Variants in SIPA1L2 observed in about 807,000 individuals in gnomAD.
SIPA1L2 encodes signal-induced proliferation-associated 1-like protein 2.
In SIPA1L2, 56 loss-of-function variants were observed where a neutral mutation model predicts 163.9. The ratio of observed to expected loss-of-function variants is 0.34; its 90% CI spans 0.28 to 0.43. The LOEUF (loss-of-function observed/expected upper bound fraction) is 0.43. Among genes scored for constraint, SIPA1L2 ranks in the 20% least tolerant of loss-of-function variants. The pLI is 1.00. For missense variants in SIPA1L2, 1,974 were observed against 2,193.5 expected (o/e 0.90, Z 2.00); for synonymous variants, 877 against 865.7 (o/e 1.01, Z -0.23).
At chr1:232,402,604 A>G (rs1460726274) in intron 21 of SIPA1L2, 131 bp from the exon 22 acceptor site, 1 of 686,360 alleles carries the variant, frequency 1.5e-6, no homozygotes, top group African/African-American at 1.8e-5. Flanking sequence ...ATTATGTCAG[A>G]ATGGGAAAGT....
chr1:232,524,744 A>G (rs1468901508), intron 2 of SIPA1L2, among the ~76,000 whole-genome samples: 1 of 152,148 alleles, frequency 6.6e-6, no homozygotes, highest in African/African-American at 2.4e-5. Flanking sequence ...CCATATACAG[A>G]AAGGTTTATA....
intron 22 of SIPA1L2, among the ~76,000 whole-genome samples, 199 bp from the exon 23 acceptor site, chr1:232,399,472 C>T (rs1660201913): frequency 6.6e-6 from 1 of 152,010 alleles, no homozygotes; most frequent in African/African-American, 2.4e-5. Context: ...ACACTCCACA[C>T]ACCCTGTTCT....
chr1:232,413,854 G>C (rs1661093879), intron 19 of SIPA1L2, among the ~76,000 whole-genome samples: 1 of 152,172 alleles, frequency 6.6e-6, no homozygotes, highest in African/African-American at 2.4e-5. Context: ...TCCTGGGGCA[G>C]AAAGATCTGG....
chr1:232,488,929 T>C (rs1385179045), intron 5 of SIPA1L2, among the ~76,000 whole-genome samples: 3 of 152,234 alleles, frequency 2.0e-5, no homozygotes, highest in Non-Finnish European at 4.4e-5. Context: ...CATTCACTGA[T>C]GCCTAAAATA....
At chr1:232,590,743 C>A (rs1660916461) in intron 1 of SIPA1L2, among the ~76,000 whole-genome samples, 1 of 152,204 alleles carries the variant, frequency 6.6e-6, no homozygotes, top group Non-Finnish European at 1.5e-5. Flanking sequence ...AATTGTCCTG[C>A]AGTGAAAGAA....
chr1:232,537,610 T>G (rs1318521154), intron 2 of SIPA1L2, among the ~76,000 whole-genome samples: 1 of 152,178 alleles, frequency 6.6e-6, no homozygotes, highest in Non-Finnish European at 1.5e-5. Context: ...GGAGCAATGG[T>G]GTAATAATGG....
intron 2 of SIPA1L2, among the ~76,000 whole-genome samples, chr1:232,542,218 A>G (rs1050941645): frequency 6.6e-6 from 1 of 152,226 alleles, no homozygotes; most frequent in African/African-American, 2.4e-5. Context: ...ATCATTTTAA[A>G]TAATTATTAA....
At chr1:232,447,701 T>C (rs941547167) in intron 10 of SIPA1L2, among the ~76,000 whole-genome samples, 6 of 152,228 alleles carry the variant, frequency 3.9e-5, no homozygotes, top group Non-Finnish European at 7.3e-5. Context: ...GGCTAGTTGA[T>C]GGATATTGCT....
chr1:232,418,250 C>A (rs1343525218), intron 18 of SIPA1L2, among the ~76,000 whole-genome samples: 2 of 152,150 alleles, frequency 1.3e-5, no homozygotes, highest in East Asian at 3.9e-4. Context: ...GGGTAAAATG[C>A]AATGAGAACA....
intron 5 of SIPA1L2, among the ~76,000 whole-genome samples, chr1:232,486,748 C>G (rs949804815): frequency 2.6e-5 from 4 of 152,128 alleles, no homozygotes; most frequent in African/African-American, 9.7e-5. Flanking sequence ...ATGAAATGTT[C>G]AGTAAAGATA....
chr1:232,407,191 A>G (rs932508681), intron 19 of SIPA1L2, among the ~76,000 whole-genome samples: 2 of 152,254 alleles, frequency 1.3e-5, no homozygotes, highest in African/African-American at 4.8e-5. Context: ...ATTTCAATTT[A>G]CTTTTGAGAT....
At chr1:232,549,109 T>A (rs1218193400) in intron 2 of SIPA1L2, among the ~76,000 whole-genome samples, 1 of 152,176 alleles carries the variant, frequency 6.6e-6, no homozygotes, top group Non-Finnish European at 1.5e-5. Context: ...GCTTTCATGC[T>A]GGGTCTGTGC....
intron 2 of SIPA1L2, among the ~76,000 whole-genome samples, chr1:232,539,460 G>T (rs1573048899): frequency 6.6e-6 from 1 of 152,168 alleles, no homozygotes; most frequent in Non-Finnish European, 1.5e-5. Context: ...CTTCAAGGAC[G>T]GGAGAAGACA....
intron 2 of SIPA1L2, among the ~76,000 whole-genome samples, chr1:232,534,824 C>T (rs1267226565): frequency 1.3e-5 from 2 of 152,294 alleles, no homozygotes; most frequent in East Asian, 1.9e-4. Context: ...TGAATCCTCC[C>T]GTTAACACTG....
chr1:232,551,929 T>C (rs1330408977), intron 2 of SIPA1L2, among the ~76,000 whole-genome samples: 1 of 152,168 alleles, frequency 6.6e-6, no homozygotes, highest in Middle Eastern at 3.2e-3. Flanking sequence ...AACCTCTGCC[T>C]CCTGGGTTTA....
At chr1:232,459,188 A>T (rs557337455) in intron 10 of SIPA1L2, among the ~76,000 whole-genome samples, 2 of 152,358 alleles carry the variant, frequency 1.3e-5, no homozygotes, top group South Asian at 4.1e-4. Flanking sequence ...TGATCTATCC[A>T]ATATGGCAGC....
intron 16 of SIPA1L2, among the ~76,000 whole-genome samples, chr1:232,431,587 G>A (rs909375312): frequency 6.6e-6 from 1 of 152,178 alleles, no homozygotes; most frequent in Non-Finnish European, 1.5e-5. Context: ...CATTTAGCAC[G>A]AGTATTCTGT....
rs1236086080 is a variant in SIPA1L2, at chr1:232,398,188, T to C, written c.*939A>G. 6.6e-6 allele frequency: 1 copy of C among 152,568 alleles called. No individual in the cohort carries two copies. The highest frequency in any genetic ancestry group is 1.5e-5 in the Non-Finnish European group (1 of 68,034). 9.5% of individuals were successfully genotyped at this position (152,568 alleles called of 1,614,324 possible). A position where few individuals can be genotyped will look rare whatever the true frequency, so the allele number is the denominator to read the frequency against. ...CATCGTAGTGCAGGCCAAACCAAAT[T>C]TTATAAAATTAACAATTTAAGGTTA... On this transcript the variant is annotated 3_prime_UTR_variant, in exon 23 of 23. Coordinates refer to ENST00000674635, the MANE Select transcript of SIPA1L2 (RefSeq NM_020808.5).
intron 2 of SIPA1L2, among the ~76,000 whole-genome samples, chr1:232,558,301 G>C (rs1658832566): frequency 6.6e-6 from 1 of 152,214 alleles, no homozygotes; most frequent in Non-Finnish European, 1.5e-5. Context: ...ATCCAGAGGA[G>C]AAGGACCCTC....
Sources: gnomAD v4.1 joint callset for allele counts (sites outside exome capture counted in the v4.1 genomes callset) on GRCh38, gnomAD v4.1.1 for gene constraint, MANE v1.5 for transcripts, NCBI Gene and HGNC (gene_info 2026-07-23, HGNC 2026-07-21) for gene names.